Variants in NALF1 observed in about 807,000 individuals in gnomAD.
NALF1 encodes NALCN channel auxiliary factor 1.
In NALF1, 3 loss-of-function variants were observed where a neutral mutation model predicts 48.4. The ratio of observed to expected loss-of-function variants is 0.06; its 90% CI spans 0.03 to 0.16. The LOEUF (loss-of-function observed/expected upper bound fraction) is 0.16, where lower values mean the gene tolerates loss of function less well. Ranked by LOEUF, NALF1 falls within the 10% of genes least tolerant of loss-of-function variation. NALF1 has a pLI of 1.00. For synonymous variants in NALF1, 262 were observed against 245.7 expected, an observed-to-expected ratio of 1.07 and a Z score of -0.62; for missense variants, 526 against 571.5, an observed-to-expected ratio of 0.92 and a Z score of 0.81.
At chr13:107,401,497 T>C (rs2138991759) in intron 1 of NALF1, among the ~76,000 whole-genome samples, 1 of 152,288 alleles carries the variant, frequency 6.6e-6, no homozygotes, top group East Asian at 1.9e-4. Flanking sequence ...AAAAATCAAA[T>C]CTGAAATATC....
intron 1 of NALF1, among the ~76,000 whole-genome samples, chr13:107,380,850 C>T (rs895627809): frequency 1.7e-4 from 26 of 150,336 alleles, no homozygotes; most frequent in Non-Finnish European, 2.4e-4. Context: ...TAGTGGCGGG[C>T]GCCTGTAGTA....
chr13:107,835,445 A>T (rs1879861969), intron 1 of NALF1: 1 of 152,194 alleles, frequency 6.6e-6, no homozygotes, highest in Admixed American at 6.5e-5. Context: ...CACTCCTCTG[A>T]AAGCAGGAGG....
chr13:107,822,018 C>T (rs1043877616), intron 1 of NALF1, among the ~76,000 whole-genome samples: 5 of 152,046 alleles, frequency 3.3e-5, no homozygotes, highest in Non-Finnish European at 4.4e-5. Flanking sequence ...GTCATACCTT[C>T]TATGCTCTCC....
chr13:107,800,536 T>C (rs112938861), intron 1 of NALF1, among the ~76,000 whole-genome samples: 4,135 of 89,870 alleles, frequency 0.046, 188 homozygotes, highest in African/African-American at 0.16. Context: ...AATTAACTAA[T>C]TTAAGTCTCA....
intron 1 of NALF1, among the ~76,000 whole-genome samples, chr13:107,239,406 C>T (rs998079655): frequency 1.3e-5 from 2 of 152,184 alleles, no homozygotes; most frequent in Non-Finnish European, 2.9e-5. Flanking sequence ...TTCTCCTATA[C>T]GTTTGTGTCC....
intron 1 of NALF1, among the ~76,000 whole-genome samples, chr13:107,330,385 A>C (rs1283153099): frequency 6.6e-6 from 1 of 152,202 alleles, no homozygotes; most frequent in African/African-American, 2.4e-5. Context: ...GGAATATTTA[A>C]ATTTCGATCT....
intron 2 of NALF1, among the ~76,000 whole-genome samples, chr13:107,198,147 T>C (rs1879432335): frequency 1.3e-5 from 2 of 152,286 alleles, no homozygotes; most frequent in South Asian, 4.2e-4. Context: ...TTTAGTGCAG[T>C]TTTAAATTTT....
intron 1 of NALF1, among the ~76,000 whole-genome samples, chr13:107,653,090 G>C (rs1257362976): frequency 6.7e-6 from 1 of 149,794 alleles, no homozygotes; most frequent in African/African-American, 2.4e-5. Flanking sequence ...ATCTTTATGT[G>C]TTGCTTTTAG....
intron 1 of NALF1, among the ~76,000 whole-genome samples, chr13:107,292,993 T>TTTTTCTTTC (rs1555330871): frequency 6.6e-3 from 58 of 8,850 alleles, no homozygotes; most frequent in South Asian, 0.01. Context: ...TTTCTTTTTC[T>TTTTTCTTTC]TTTTTTTTTT....
At chr13:107,726,977 T>C (rs1260304824) in intron 1 of NALF1, among the ~76,000 whole-genome samples, 1 of 145,034 alleles carries the variant, frequency 6.9e-6, no homozygotes, top group Non-Finnish European at 1.5e-5. Context: ...TGAAGACTCC[T>C]TCTTTTGTAT....
chr13:107,529,725 T>G (rs570285094), intron 1 of NALF1, among the ~76,000 whole-genome samples: 1 of 152,178 alleles, frequency 6.6e-6, no homozygotes, highest in African/African-American at 2.4e-5. Flanking sequence ...ATCTTTTTCC[T>G]TTTTTTAGAT....
At chr13:107,641,763 G>C (rs142110844) in intron 1 of NALF1, among the ~76,000 whole-genome samples, 1 of 152,096 alleles carries the variant, frequency 6.6e-6, no homozygotes, top group African/African-American at 2.4e-5. Context: ...AACCTGAACC[G>C]TGGCTGGGGG....
At chr13:107,424,771 G>A (rs1884251159) in intron 1 of NALF1, among the ~76,000 whole-genome samples, 1 of 152,146 alleles carries the variant, frequency 6.6e-6, no homozygotes, top group African/African-American at 2.4e-5. Context: ...AGCATTGTTG[G>A]TTCTATGTAT....
At chr13:107,270,770 C>T (rs1278889648) in intron 1 of NALF1, among the ~76,000 whole-genome samples, 3 of 151,418 alleles carry the variant, frequency 2.0e-5, no homozygotes, top group Non-Finnish European at 4.4e-5. Context: ...CCCATTAACT[C>T]GTCATTTAGC....
At chr13:107,512,123 C>T (rs1283655045) in intron 1 of NALF1, among the ~76,000 whole-genome samples, 3 of 152,130 alleles carry the variant, frequency 2.0e-5, no homozygotes, top group South Asian at 2.1e-4. Flanking sequence ...GGCTGGGTGT[C>T]GTGGCTCACG....
chr13:107,170,390 G>T lies in NALF1; in HGVS notation c.*107C>A. ...GTTTAAATTTTACCCTAAAGGCCTT[G>T]CAATAAGTAATTCGAGGGTAAAAGC... is the stretch of plus-strand genomic sequence containing the variant. On this transcript the variant is annotated 3_prime_UTR_variant, in exon 3 of 3. Transcript: ENST00000375915. 3 of 1,127,336 alleles carry T rather than the reference G, an allele frequency of 2.7e-6. No individual in the cohort carries two copies. Among genetic ancestry groups the T allele is most frequent in the Non-Finnish European group, 3.8e-6 (3 of 793,244 alleles). The allele number at this position is 1,127,336 out of a possible 1,614,324, so 69.8% of individuals were successfully genotyped here. A position where few individuals can be genotyped will look rare whatever the true frequency, so the allele number is the denominator to read the frequency against.
At chr13:107,268,424 CCA>C (rs59222169) in intron 1 of NALF1, among the ~76,000 whole-genome samples, 41,280 of 151,344 alleles carry the variant, frequency 0.27, 6,267 homozygotes, top group East Asian at 0.52. Context: ...TATACAACAC[CCA>C]CACACACACA....
intron 1 of NALF1, among the ~76,000 whole-genome samples, chr13:107,640,243 G>T (rs1880113322): frequency 2.0e-5 from 3 of 152,090 alleles, no homozygotes; most frequent in Non-Finnish European, 4.4e-5. Flanking sequence ...AAGTACTACG[G>T]CATTAGTCAG....
chr13:107,358,165 CATATGT>C (rs991350924), intron 1 of NALF1, among the ~76,000 whole-genome samples: 1 of 112,822 alleles, frequency 8.9e-6, no homozygotes, highest in East Asian at 3.3e-4. Context: ...ATATACGTAA[CATATGT>C]GTGTGTGTGT....
Sources: allele counts gnomAD v4.1 joint callset (sites outside exome capture counted in the v4.1 genomes callset), GRCh38; gene constraint gnomAD v4.1.1; transcripts MANE v1.5; gene names NCBI Gene and HGNC (gene_info 2026-07-23, HGNC 2026-07-21).